Variants in CUL3 observed in about 807,000 individuals in gnomAD.
The protein encoded by CUL3 is cullin 3, also known as cullin-3.
In CUL3, 19 loss-of-function variants were observed where a neutral mutation model predicts 89.1. The observed-to-expected ratio is 0.21, with a 90% CI of 0.15 to 0.31. The LOEUF (loss-of-function observed/expected upper bound fraction) is 0.31. Among genes scored for constraint, CUL3 ranks in the 10% least tolerant of loss-of-function variants. CUL3 has a pLI of 1.00. For missense variants in CUL3, 469 were observed against 942.3 expected (o/e 0.50, Z 6.58); for synonymous variants, 351 against 308.4 (o/e 1.14, Z -1.45).
At chr2:224,564,863 C>T (rs1695001681) in intron 1 of CUL3, among the ~76,000 whole-genome samples, 1 of 152,210 alleles carries the variant, frequency 6.6e-6, no homozygotes, top group Admixed American at 6.5e-5. Context: ...CCCAAACCTT[C>T]TTCCTGTAAT....
chr2:224,569,317 G>T (rs1695124338), intron 1 of CUL3, among the ~76,000 whole-genome samples: 1 of 152,034 alleles, frequency 6.6e-6, no homozygotes, highest in African/African-American at 2.4e-5. Flanking sequence ...GATGTATACA[G>T]GACCCTTCCC....
intron 2 of CUL3, among the ~76,000 whole-genome samples, chr2:224,556,132 G>A (rs1458889511): frequency 1.3e-5 from 2 of 152,096 alleles, no homozygotes; most frequent in South Asian, 2.1e-4. Flanking sequence ...AGCAGAAATA[G>A]AAAATTACTG....
chr2:224,553,470 T>C lies in CUL3; in HGVS notation c.264+4189A>G, dbSNP rs560038708. Among the ~76,000 whole-genome samples the C allele has an allele frequency of 1.2e-4, 19 of 152,354 alleles. No individual in the cohort carries two copies. The South Asian group carries it at 3.3e-3, about 27-fold the overall frequency. On this transcript the variant is annotated intron_variant, in intron 2 of 15. Transcript: ENST00000264414. The stretch of plus-strand genomic sequence containing the variant: ...ACTGTATATTTTAAAATTTATTTAG[T>C]ACAATCAACTTGAATGCATGTTTTG...
rs1385726089 is a variant in CUL3, at chr2:224,481,877, T to C, written c.2029+15A>G. On this transcript the variant is annotated intron_variant, in intron 14 of 15. Transcript: ENST00000264414. Reference sequence around the variant, plus strand: ...ATATATAATTTTTTGAGAGGAAAAATATAATTCCAGATACCTGTTTGAATC... The same window carrying C: ...ATATATAATTTTTTGAGAGGAAAAACATAATTCCAGATACCTGTTTGAATC... 2.1e-6 allele frequency: 3 copies of C among 1,437,388 alleles called. No individual in the cohort carries two copies. The highest frequency in any genetic ancestry group is 1.5e-5 in the African/African-American group (1 of 67,490). The allele number at this position is 1,437,388 out of a possible 1,614,324, so 89.0% of individuals were successfully genotyped here.
At position 224,482,022 on chromosome 2, in the gene CUL3, G is replaced by A. The variant is rs768832883; in HGVS notation, c.1899C>T (p.Ser633=). 1.9e-6 allele frequency: 3 copies of A among 1,608,560 alleles called. No homozygotes were observed. The Admixed American group carries it at 5.1e-5, about 27-fold the overall frequency. Residue 633 remains serine (S), a synonymous_variant, in exon 14 of 16, where the codon TCC becomes TCT. Transcript: ENST00000264414. ...GCTGTGTTGGTTTACCACAGGCGAG[G>A]GACTGTAGGGCTCTAACAAGCTCTC... The part of the protein sequence containing the change: ...PERELVRALQ[S]LACGKPTQRV...
chr2:224,549,490 T>A (rs1694430465), intron 2 of CUL3, among the ~76,000 whole-genome samples: 1 of 152,198 alleles, frequency 6.6e-6, no homozygotes, highest in Admixed American at 6.5e-5. Context: ...AACTCCAAAC[T>A]CATTTTATAG....
At chr2:224,526,157 G>A (rs924393937) in intron 3 of CUL3, among the ~76,000 whole-genome samples, 1 of 152,174 alleles carries the variant, frequency 6.6e-6, no homozygotes, top group African/African-American at 2.4e-5. Flanking sequence ...AATAACTTGA[G>A]CAAATTAATG....
At chr2:224,520,142 G>A (rs553949246) in intron 3 of CUL3, among the ~76,000 whole-genome samples, 1 of 152,264 alleles carries the variant, frequency 6.6e-6, no homozygotes, top group Non-Finnish European at 1.5e-5. Context: ...TGAAAAACAT[G>A]TTCGAAAGCC....
intron 2 of CUL3, among the ~76,000 whole-genome samples, chr2:224,541,542 G>A (rs567215037): frequency 2.6e-5 from 4 of 152,278 alleles, no homozygotes; most frequent in African/African-American, 7.2e-5. Flanking sequence ...ATAACATCAC[G>A]TGACCCAGCA....
intron 3 of CUL3, among the ~76,000 whole-genome samples, chr2:224,519,637 CTAAA>C (rs1323322817): frequency 3.3e-5 from 5 of 152,092 alleles, no homozygotes; most frequent in Admixed American, 6.6e-5. Flanking sequence ...AATAGTAATA[CTAAA>C]TAATCATTTA....
At chr2:224,492,048 C>G (rs1311769866) in intron 13 of CUL3, among the ~76,000 whole-genome samples, 1 of 152,122 alleles carries the variant, frequency 6.6e-6, no homozygotes, top group East Asian at 1.9e-4. Flanking sequence ...ATCTAAGGAG[C>G]AAGGCAGAAT....
chr2:224,484,064 A>T (rs752000103), intron 13 of CUL3, among the ~76,000 whole-genome samples: 15 of 152,092 alleles, frequency 9.9e-5, no homozygotes, highest in South Asian at 2.1e-4. Flanking sequence ...CCAGCTACTC[A>T]TGAGGCTAAG....
intron 12 of CUL3, among the ~76,000 whole-genome samples, chr2:224,497,015 T>C (rs1282971502): frequency 1.3e-5 from 2 of 152,194 alleles, no homozygotes. Context: ...CAATTAAATA[T>C]CAAAATTAGA....
intron 9 of CUL3, 51 bp from the exon 10 acceptor site, chr2:224,503,123 G>A (rs1319229757): frequency 3.6e-6 from 4 of 1,098,544 alleles, no homozygotes; most frequent in Non-Finnish European, 5.5e-6. Flanking sequence ...ATGTTTCTAT[G>A]AGAAAGTACA....
At chr2:224,491,397 C>A (rs1691970384) in intron 13 of CUL3, among the ~76,000 whole-genome samples, 1 of 152,102 alleles carries the variant, frequency 6.6e-6, no homozygotes, top group South Asian at 2.1e-4. Flanking sequence ...ATGTCATTTA[C>A]TGATTAATGC....
chr2:224,584,840 G>T, intron 1 of CUL3, 104 bp downstream of exon 1: 1 of 732,498 alleles, frequency 1.4e-6, no homozygotes, highest in Non-Finnish European at 1.8e-6. Flanking sequence ...TGGGGGAGGG[G>T]AGGCCGGGCC....
At chr2:224,581,952 T>C (rs1037894898) in intron 1 of CUL3, among the ~76,000 whole-genome samples, 1 of 151,974 alleles carries the variant, frequency 6.6e-6, no homozygotes, top group African/African-American at 2.4e-5. Context: ...AGGATGTACA[T>C]ATGTATAACC....
intron 1 of CUL3, among the ~76,000 whole-genome samples, chr2:224,580,081 T>C (rs919847269): frequency 6.6e-6 from 1 of 152,228 alleles, no homozygotes; most frequent in African/African-American, 2.4e-5. Context: ...CAGACCCACA[T>C]TATTTCCAGA....
At position 224,472,869 on chromosome 2, in the gene CUL3, T is replaced by C. The variant is rs1044975403; in HGVS notation, c.*1376A>G. On this transcript the variant is annotated 3_prime_UTR_variant, in exon 16 of 16. Coordinates refer to ENST00000264414, the MANE Select transcript of CUL3 (RefSeq NM_003590.5). ...CTAATAAATGTATCAACAGTACTGA[T>C]AGTCAACGAAGGGTCAATTTAAACT... is the stretch of plus-strand genomic sequence containing the variant. The C allele has an allele frequency of 3.8e-5, 8 of 212,112 alleles. No homozygotes were observed. The highest frequency in any genetic ancestry group is 1.1e-4 in the African/African-American group (5 of 44,254). The allele number at this position is 212,112 out of a possible 1,614,324, so 13.1% of individuals were successfully genotyped here.
Sources: allele counts gnomAD v4.1 joint callset (sites outside exome capture counted in the v4.1 genomes callset), GRCh38; gene constraint gnomAD v4.1.1; transcripts MANE v1.5; gene names NCBI Gene and HGNC (gene_info 2026-07-23, HGNC 2026-07-21).